Variants in GRHL1 observed in about 807,000 individuals in gnomAD.
The protein encoded by GRHL1 is grainyhead like transcription factor 1.
A neutral mutation model predicts 75.7 loss-of-function variants in GRHL1; 38 were observed. The ratio of observed to expected loss-of-function variants is 0.50; its 90% confidence interval spans 0.39 to 0.66. GRHL1 has a LOEUF of 0.66. Among genes scored for constraint, GRHL1 ranks in the 30% least tolerant of loss-of-function variants. The pLI, the probability that GRHL1 is intolerant of heterozygous loss-of-function variation, is 0.00. For synonymous variants in GRHL1, 266 were observed against 279.4 expected, an observed-to-expected ratio of 0.95 and a Z score of 0.48; for missense variants, 589 against 767.5, an observed-to-expected ratio of 0.77 and a Z score of 2.75.
intron 9 of GRHL1, among the ~76,000 whole-genome samples, chr2:9,986,578 G>A (rs559906784): frequency 5.3e-5 from 8 of 151,762 alleles, no homozygotes; most frequent in Admixed American, 3.9e-4. Context: ...CACCACGGCC[G>A]GCTAGTTTTT....
chr2:9,959,100 G>A (rs764300621), intron 3 of GRHL1: 1 of 337,500 alleles, frequency 3.0e-6, no homozygotes, highest in Non-Finnish European at 5.4e-6. Flanking sequence ...TCCTCCAAAG[G>A]GATAGTTTTA....
chr2:9,962,339 A>G (rs2125209956), intron 4 of GRHL1, 116 bp from the exon 5 acceptor site: 1 of 612,772 alleles, frequency 1.6e-6, no homozygotes, highest in South Asian at 2.1e-5. Flanking sequence ...AAAAATAAAT[A>G]TGGAAAGGAT....
chr2:9,955,712 GA>G (rs1373165287), intron 2 of GRHL1, among the ~76,000 whole-genome samples: 1 of 152,208 alleles, frequency 6.6e-6, no homozygotes, highest in African/African-American at 2.4e-5. Context: ...TATTATGCTA[GA>G]CATGTTACCA....
intron 15 of GRHL1, 66 bp downstream of exon 15, chr2:9,999,095 GCACCCCCCAGTGCTGTTGA>G: frequency 1.4e-6 from 1 of 706,252 alleles, no homozygotes. Flanking sequence ...CTAGTGTGAC[GCACCCCCCAGTGCTGTTGA>G]CACCCCCCAG....
At chr2:9,975,437 C>A (rs1458788063) in intron 8 of GRHL1, among the ~76,000 whole-genome samples, 1 of 152,144 alleles carries the variant, frequency 6.6e-6, no homozygotes, top group Non-Finnish European at 1.5e-5. Flanking sequence ...TCTCTAAATA[C>A]CATAATCTTT....
At chr2:9,972,702 G>A (rs1012767975) in intron 8 of GRHL1, among the ~76,000 whole-genome samples, 4 of 152,182 alleles carry the variant, frequency 2.6e-5, no homozygotes, top group Admixed American at 1.3e-4. Context: ...TGGCCTGTGT[G>A]CCTTGTGTCA....
chr2:9,970,031 G>A (rs1667658629), intron 8 of GRHL1, among the ~76,000 whole-genome samples: 1 of 152,014 alleles, frequency 6.6e-6, no homozygotes, highest in Non-Finnish European at 1.5e-5. Context: ...TTTTAGTAGA[G>A]ACGGGGTTTC....
rs1249983134 is a variant in GRHL1 at position 9,951,874 on chromosome 2, C to A, written c.20+21C>A. ...GACAAGTGAGTGAGGCGCAGGAGTC[C>A]GGCCGCCGCGGGGGGGCCGCGCTGA... On this transcript the variant is annotated intron_variant, in intron 1 of 15. Coordinates refer to ENST00000324907, the MANE Select transcript of GRHL1 (RefSeq NM_198182.3). The surrounding 1 kb of genome is among the most constrained non-coding windows in gnomAD (Gnocchi z 4.2). 1 of 1,447,492 alleles carries A rather than the reference C, an allele frequency of 6.9e-7. No individual in the cohort carries two copies. The highest frequency in any genetic ancestry group is 9.2e-7 in the Non-Finnish European group (1 of 1,088,542). 89.7% of individuals were successfully genotyped at this position (1,447,492 alleles called of 1,614,324 possible).
rs767781089 is a variant in GRHL1 at position 9,992,127 on chromosome 2, A to C, written c.1442A>C (p.Asn481Thr). The change falls in exon 11 of 16, where the codon AAC becomes ACC. Residue 481 changes from asparagine (N) to threonine (T), a missense_variant. By Grantham distance (65) the Asn-to-Thr change is moderately conservative (BLOSUM62 0). Coordinates refer to ENST00000324907, the MANE Select transcript of GRHL1 (RefSeq NM_198182.3). The surrounding 1 kb of genome is among the most constrained non-coding windows in gnomAD (Gnocchi z 4.6). ...TTCATTCCTGACGTGCACTTTGCCA[A>C]CTTGCAGCGGGGCACTCATGTAGGT... ...VLFIPDVHFA[N>T]LQRGTHVLPI... 6.2e-7 allele frequency: 1 copy of C among 1,613,566 alleles called. No homozygotes were observed. Among genetic ancestry groups the C allele is most frequent in the Non-Finnish European group, 8.5e-7 (1 of 1,179,802 alleles).
chr2:9,985,795 G>A (rs962152347), intron 8 of GRHL1, among the ~76,000 whole-genome samples: 1 of 152,162 alleles, frequency 6.6e-6, no homozygotes. Context: ...TATGCTATTG[G>A]TAACTTTGGA....
At chr2:9,959,767 T>G (rs1324438664) in intron 3 of GRHL1, 1 of 152,256 alleles carries the variant, frequency 6.6e-6, no homozygotes, top group Non-Finnish European at 1.5e-5. Context: ...ATTCATGTTT[T>G]TATTTTATTT....
rs1027865603 is a variant in GRHL1, at chr2:9,961,124, A to G, written c.357A>G (p.Pro119=). 15 of 1,599,668 alleles carry G rather than the reference A, an allele frequency of 9.4e-6. No homozygotes were observed. The highest frequency in any genetic ancestry group is 1.3e-5 in the Non-Finnish European group (15 of 1,172,668). ...GAGTGCAAGTACTGAAAAATGTGCC[A>G]TTTAACATTGTCCTTCCCCATGGCA... ...ENRVQVLKNV[P]FNIVLPHGNQ... is the part of the protein sequence containing the mutation. The change falls in exon 4 of 16, where the codon CCA becomes CCG. Residue 119 remains proline (P), a synonymous_variant. Transcript: ENST00000324907.
chr2:9,977,162 TG>T (rs1667981508), intron 8 of GRHL1, among the ~76,000 whole-genome samples: 2 of 152,182 alleles, frequency 1.3e-5, no homozygotes, highest in South Asian at 4.1e-4. Flanking sequence ...GTTTATTTGG[TG>T]GGGGCACTGT....
chr2:9,991,285 A>G (rs1223348256), intron 10 of GRHL1, among the ~76,000 whole-genome samples: 2 of 152,110 alleles, frequency 1.3e-5, no homozygotes, highest in African/African-American at 4.8e-5. Flanking sequence ...TGTATCTAAA[A>G]TGAAGAAAGT....
intron 8 of GRHL1, among the ~76,000 whole-genome samples, chr2:9,978,512 A>G (rs1279292152): frequency 1.3e-5 from 2 of 152,200 alleles, no homozygotes. Context: ...TGGATTTTGG[A>G]AGGCCTTGAG....
intron 8 of GRHL1, among the ~76,000 whole-genome samples, chr2:9,973,152 CA>C: frequency 6.6e-6 from 1 of 152,302 alleles, no homozygotes; most frequent in Non-Finnish European, 1.5e-5. Flanking sequence ...AGAAATAACA[CA>C]AATGCTGGCT....
chr2:9,959,577 A>G (rs1262849844), intron 3 of GRHL1: 2 of 152,192 alleles, frequency 1.3e-5, no homozygotes, highest in African/African-American at 4.8e-5. Flanking sequence ...AATCTTCATA[A>G]TTATCCTTTG....
intron 8 of GRHL1, among the ~76,000 whole-genome samples, chr2:9,970,112 G>C (rs1667662530): frequency 6.6e-6 from 1 of 152,102 alleles, no homozygotes; most frequent in South Asian, 2.1e-4. Context: ...CAAAGTGCTG[G>C]GATTACAGGC....
At chr2:9,983,951 T>C (rs1399468682) in intron 8 of GRHL1, among the ~76,000 whole-genome samples, 1 of 151,900 alleles carries the variant, frequency 6.6e-6, no homozygotes, top group Non-Finnish European at 1.5e-5. Flanking sequence ...GGTCAGGAGT[T>C]CGAGACCAGC....
Sources: gnomAD v4.1 joint callset for allele counts (sites outside exome capture counted in the v4.1 genomes callset) on GRCh38, gnomAD v4.1.1 for gene constraint, Gnocchi (gnomAD v3.1) non-coding constraint, MANE v1.5 for transcripts, NCBI Gene and HGNC (gene_info 2026-07-23, HGNC 2026-07-21) for gene names.